SOX6: variants seen among roughly 807,000 people sequenced by gnomAD.
The protein encoded by SOX6 is SRY-box transcription factor 6.
SOX6 carries 11 observed loss-of-function variants against 97.8 expected under a neutral mutation model. That is an observed-to-expected ratio of 0.11 (90% CI 0.07 to 0.19). The LOEUF is 0.19. Ranked by LOEUF, SOX6 falls within the 10% of genes least tolerant of loss-of-function variation. The pLI is 1.00. For synonymous variants in SOX6, 360 were observed against 371.4 expected, an observed-to-expected ratio of 0.97 and a Z score of 0.35; for missense variants, 810 against 1,039.5, an observed-to-expected ratio of 0.78 and a Z score of 3.04.
At chr11:16,295,540 A>G (rs1013286917) in intron 3 of SOX6, among the ~76,000 whole-genome samples, 4 of 152,034 alleles carry the variant, frequency 2.6e-5, no homozygotes, top group Admixed American at 6.6e-5. Context: ...TCTTACCTGG[A>G]CTACAAAAGA....
At chr11:16,281,293 C>T (rs1428228814) in intron 3 of SOX6, among the ~76,000 whole-genome samples, 1 of 151,996 alleles carries the variant, frequency 6.6e-6, no homozygotes, top group East Asian at 1.9e-4. Context: ...CATTGCTACC[C>T]TGCCTGCATG....
At chr11:16,168,347 T>C (rs1850940400) in intron 6 of SOX6, among the ~76,000 whole-genome samples, 1 of 152,134 alleles carries the variant, frequency 6.6e-6, no homozygotes, top group Non-Finnish European at 1.5e-5. Context: ...AATGATATTG[T>C]TCATTTTGGA....
At chr11:16,495,904 A>G (rs1378053701) in intron 4 of SOX6, among the ~76,000 whole-genome samples, 1 of 152,198 alleles carries the variant, frequency 6.6e-6, no homozygotes, top group Non-Finnish European at 1.5e-5. Flanking sequence ...CCTGTCTCCA[A>G]CAAAATATCA....
chr11:16,079,823 C>G, intron 9 of SOX6, among the ~76,000 whole-genome samples: 1 of 149,666 alleles, frequency 6.7e-6, no homozygotes, highest in East Asian at 1.9e-4. Flanking sequence ...TTTTGCAGCA[C>G]GTAAATATGC....
chr11:16,065,501 G>GA (rs61196649), intron 9 of SOX6, among the ~76,000 whole-genome samples: 3 of 151,190 alleles, frequency 2.0e-5, no homozygotes, highest in South Asian at 2.1e-4. Context: ...CACAGAAATA[G>GA]AAAAAAAATC....
chr11:16,329,457 C>G (rs1042289647), intron 2 of SOX6, among the ~76,000 whole-genome samples: 2 of 152,164 alleles, frequency 1.3e-5, no homozygotes, highest in Admixed American at 6.6e-5. Flanking sequence ...CCATCTAGCA[C>G]TTGAATTCCC....
chr11:16,237,841 C>G (rs1853070662), intron 3 of SOX6, among the ~76,000 whole-genome samples: 1 of 151,916 alleles, frequency 6.6e-6, no homozygotes. Context: ...CTGACTTTGA[C>G]TTTTCCAAGT....
At chr11:16,447,337 C>A (rs1040357948) in intron 1 of SOX6, among the ~76,000 whole-genome samples, 4 of 152,140 alleles carry the variant, frequency 2.6e-5, no homozygotes, top group African/African-American at 9.7e-5. Context: ...AAAGTTTGTG[C>A]TACCACTCTG....
intron 9 of SOX6, among the ~76,000 whole-genome samples, chr11:16,076,257 A>G (rs1848348985): frequency 6.6e-6 from 1 of 152,150 alleles, no homozygotes; most frequent in African/African-American, 2.4e-5. Context: ...AAAAATGACA[A>G]ATGAGATCTA....
At chr11:16,389,350 G>A (rs1447471064) in intron 1 of SOX6, among the ~76,000 whole-genome samples, 2 of 152,182 alleles carry the variant, frequency 1.3e-5, no homozygotes. Context: ...CCAAAGGAGA[G>A]GTGACATTGT....
chr11:16,164,808 G>A (rs1290702032), intron 6 of SOX6, among the ~76,000 whole-genome samples: 2 of 147,734 alleles, frequency 1.4e-5, no homozygotes, highest in African/African-American at 5.0e-5. Context: ...GCAACAGAGC[G>A]AGACTTGGTA....
chr11:16,012,038 T>C (rs1341343679), intron 13 of SOX6, among the ~76,000 whole-genome samples: 1 of 152,048 alleles, frequency 6.6e-6, no homozygotes, highest in Non-Finnish European at 1.5e-5. Flanking sequence ...TTGCTGCCCA[T>C]CGTTTGTTTT....
chr11:16,595,724 T>G (rs934897500), intron 4 of SOX6, among the ~76,000 whole-genome samples: 1 of 151,964 alleles, frequency 6.6e-6, no homozygotes, highest in African/African-American at 2.4e-5. Context: ...TGAGCCATGA[T>G]TGTACCACCG....
intron 12 of SOX6, among the ~76,000 whole-genome samples, chr11:16,020,546 C>G (rs1488416103): frequency 6.6e-6 from 1 of 152,138 alleles, no homozygotes; most frequent in East Asian, 1.9e-4. Flanking sequence ...GTTCTCCTGT[C>G]ACATATCCTC....
intron 3 of SOX6, among the ~76,000 whole-genome samples, chr11:16,690,049 C>T (rs1212140229): frequency 6.6e-6 from 1 of 151,978 alleles, no homozygotes; most frequent in African/African-American, 2.4e-5. Context: ...CTCAGCCTCC[C>T]GAGTATCTGG....
At chr11:16,188,139 A>T (rs947781670) in intron 4 of SOX6, among the ~76,000 whole-genome samples, 2 of 151,170 alleles carry the variant, frequency 1.3e-5, no homozygotes, top group Non-Finnish European at 2.9e-5. Context: ...AGCACTTGTT[A>T]GTATATGATT....
At position 16,568,171 on chromosome 11, in the gene SOX6, A is replaced by G. The variant is rs115138507; in HGVS notation, n.609+43910T>C. ...TTGTATAGGCTTGGGTCCCATCCCC[A>G]AGATATCTCATTATGTATATGCAAA... On this transcript the variant is annotated intron_variant and non_coding_transcript_variant, in intron 4 of 5. Transcript: ENST00000524520. Among the ~76,000 whole-genome samples the G allele has an allele frequency of 5.8e-3, 888 of 152,284 alleles. 12 individuals carry two copies. The highest frequency in any genetic ancestry group is 0.02 in the African/African-American group (823 of 41,562).
intron 1 of SOX6, among the ~76,000 whole-genome samples, chr11:16,391,268 C>G (rs1858173319): frequency 6.6e-6 from 1 of 152,126 alleles, no homozygotes; most frequent in Non-Finnish European, 1.5e-5. Context: ...AGCAAACCAC[C>G]ATGGCACGTG....
At chr11:16,192,047 T>C (rs1002192693) in intron 4 of SOX6, among the ~76,000 whole-genome samples, 4 of 152,090 alleles carry the variant, frequency 2.6e-5, no homozygotes, top group African/African-American at 9.7e-5. Context: ...TTTGTCTTAA[T>C]AGAGCCTGTC....
Sources: gnomAD v4.1 joint callset for allele counts (sites outside exome capture counted in the v4.1 genomes callset) on GRCh38, gnomAD v4.1.1 for gene constraint, MANE v1.5 for transcripts, NCBI Gene and HGNC (gene_info 2026-07-23, HGNC 2026-07-21) for gene names.